Variants in SLC28A1 observed in about 807,000 individuals in gnomAD.
SLC28A1 encodes the protein solute carrier family 28 member 1, also known as sodium/nucleoside cotransporter 1.
SLC28A1 carries 64 observed loss-of-function variants against 74.8 expected under a neutral mutation model. The observed-to-expected ratio is 0.86, with a 90% CI of 0.70 to 1.05. The LOEUF is 1.05. Ranked by LOEUF, SLC28A1 falls within the 50% of genes least tolerant of loss-of-function variation. The pLI is 0.00. For synonymous variants in SLC28A1, 359 were observed against 335.0 expected (o/e 1.07, Z -0.78); for missense variants, 828 against 822.8 (o/e 1.01, Z -0.08).
At chr15:84,944,435 GACA>G (rs1973074235) in intron 16 of SLC28A1, 128 bp from the exon 17 acceptor site, 8 of 727,292 alleles carry the variant, frequency 1.1e-5, no homozygotes, top group South Asian at 7.5e-5. Flanking sequence ...CTGTCAGGAG[GACA>G]ACATCTGTCC....
chr15:84,932,118 T>C (rs1234291998), intron 12 of SLC28A1, among the ~76,000 whole-genome samples: 1 of 152,214 alleles, frequency 6.6e-6, no homozygotes, highest in African/African-American at 2.4e-5. Context: ...ATTTTGGAGT[T>C]TGTTTCCCCA....
chr15:84,898,579 C>CAAAA (rs34936074), intron 6 of SLC28A1, among the ~76,000 whole-genome samples: 4 of 138,182 alleles, frequency 2.9e-5, no homozygotes, highest in Admixed American at 7.4e-5. Context: ...ACTCCATCAC[C>CAAAA]AAAAAAAAAA....
At chr15:84,958,628 A>G in the SLC28A1 span, among the ~76,000 whole-genome samples, 1 of 152,082 alleles carries the variant, frequency 6.6e-6, no homozygotes, top group African/African-American at 2.4e-5. Flanking sequence ...ACCGTAGCTT[A>G]CTGAAGCTTT....
In SLC28A1 at chr15:84,905,483, C is replaced by T. The variant is rs896341886; in HGVS notation, c.604-56C>T. On this transcript the variant is annotated intron_variant, in intron 7 of 18. Transcript: ENST00000394573. ...GCCCCCTGCTCTCACCCCCACCCGG[C>T]TCCCTGCCCATCCCTCAAGGAACTG... 32 of 1,252,644 alleles carry T rather than the reference C, an allele frequency of 2.6e-5. No homozygotes were observed. In the South Asian group the frequency reaches 3.8e-4, roughly 15 times the overall value. 77.6% of individuals were successfully genotyped at this position (1,252,644 alleles called of 1,614,324 possible).
At chr15:84,934,834 C>G (rs1478706661) in intron 13 of SLC28A1, among the ~76,000 whole-genome samples, 192 bp from the exon 14 acceptor site, 1 of 152,178 alleles carries the variant, frequency 6.6e-6, no homozygotes, top group Non-Finnish European at 1.5e-5. Context: ...CCATCTTGGA[C>G]AGTTCAGCGT....
At chr15:84,899,526 G>A (rs576924858) in intron 6 of SLC28A1, among the ~76,000 whole-genome samples, 93 of 152,256 alleles carry the variant, frequency 6.1e-4, no homozygotes, top group African/African-American at 2.0e-3. Context: ...GAAAAAAGAC[G>A]TGCAGAGGAG....
At chr15:84,888,528 G>T (rs550726731) in intron 3 of SLC28A1, among the ~76,000 whole-genome samples, 8 of 152,188 alleles carry the variant, frequency 5.3e-5, no homozygotes, top group Non-Finnish European at 1.2e-4. Context: ...CTGGGCCGCA[G>T]GTGTCTGTCC....
At chr15:84,963,802 A>T in the SLC28A1 span, among the ~76,000 whole-genome samples, 8 of 152,102 alleles carry the variant, frequency 5.3e-5, no homozygotes, top group Non-Finnish European at 1.5e-5. Context: ...GCTCATGAGG[A>T]TGCTTAGATC....
intron 5 of SLC28A1, among the ~76,000 whole-genome samples, chr15:84,894,363 C>A (rs1406286330): frequency 3.2e-5 from 4 of 123,264 alleles, no homozygotes; most frequent in Admixed American, 8.1e-5. Flanking sequence ...CAAAGTGAGA[C>A]CCTATCTCCA....
At chr15:84,969,164 G>C in the SLC28A1 span, among the ~76,000 whole-genome samples, 274 of 152,350 alleles carry the variant, frequency 1.8e-3, 3 homozygotes, top group Admixed American at 0.017. Flanking sequence ...CGGAAGGACA[G>C]AATCCTTCTC....
At chr15:84,958,993 G>C in the SLC28A1 span, among the ~76,000 whole-genome samples, 1 of 151,250 alleles carries the variant, frequency 6.6e-6, no homozygotes, top group Non-Finnish European at 1.5e-5. Flanking sequence ...CTAGCTACTC[G>C]GGAGGCTGAG....
downstream of SLC28A1, among the ~76,000 whole-genome samples, chr15:84,949,628 C>T (rs1304683047): frequency 7.3e-6 from 1 of 137,462 alleles, no homozygotes; most frequent in Admixed American, 7.8e-5. Flanking sequence ...CCAGGCTGGT[C>T]GTGAACTCCT....
In SLC28A1 at chr15:84,905,581, G is replaced by A. The variant is rs762184411; in HGVS notation, c.646G>A (p.Val216Ile). The change falls in exon 8 of 19, where the codon GTA (valine) becomes ATA (isoleucine). Residue 216 changes from valine to isoleucine, a missense_variant. Val to Ile is a conservative substitution (Grantham distance 29). Around this residue, in one of 3 missense-constraint regions of SLC28A1, gnomAD observed 767 missense variants for 753.5 expected, o/e 1.02. Transcript: ENST00000394573. The part of the protein sequence containing the change: ...AVSWGLGLQF[V>I]LGLLVIRTEP... ...GTCTTGGGGACTTGGACTGCAGTTT[G>A]TACTTGGACTCCTCGTCATCAGAAC... 6.2e-6 allele frequency: 10 copies of A among 1,614,062 alleles called. No individual in the cohort carries two copies. Among genetic ancestry groups the A allele is most frequent in the Non-Finnish European group, 5.9e-6 (7 of 1,180,008 alleles).
chr15:84,960,322 C>T, the SLC28A1 span, among the ~76,000 whole-genome samples: 2 of 143,534 alleles, frequency 1.4e-5, no homozygotes, highest in African/African-American at 5.3e-5. Context: ...GTGGCGCAAT[C>T]TCAGCTCACT....
At chr15:84,931,576 T>C (rs12910911) in intron 12 of SLC28A1, among the ~76,000 whole-genome samples, 61,859 of 135,824 alleles carry the variant, frequency 0.46, 14,327 homozygotes, top group East Asian at 0.88. Flanking sequence ...GGTGTGAACC[T>C]GGGAGGTAGA....
chr15:84,965,913 A>G, the SLC28A1 span, among the ~76,000 whole-genome samples: 4 of 148,318 alleles, frequency 2.7e-5, no homozygotes, highest in African/African-American at 7.8e-5. Context: ...AGGGGGGGGA[A>G]ATATTAGGCT....
In SLC28A1 at chr15:84,895,809, A is replaced by T. The variant is rs988063037; in HGVS notation, c.461+686A>T. The stretch of plus-strand genomic sequence containing the variant: ...AAAAAAGTCTGAAGACCACCAGTCT[A>T]TTTCAATACTCTATTTTGTTGATGA... On this transcript the variant is annotated intron_variant, in intron 6 of 18. Transcript: ENST00000394573. 23 of 1,138,676 alleles carry T rather than the reference A, an allele frequency of 2.0e-5. No homozygotes were observed. In the South Asian group the frequency reaches 5.0e-4, roughly 25 times the overall value. 70.5% of individuals were successfully genotyped at this position (1,138,676 alleles called of 1,614,324 possible). A position where few individuals can be genotyped will look rare whatever the true frequency, so the allele number is the denominator to read the frequency against.
chr15:84,900,963 C>G (rs1380729484), intron 6 of SLC28A1, among the ~76,000 whole-genome samples: 3 of 152,168 alleles, frequency 2.0e-5, no homozygotes, highest in African/African-American at 7.2e-5. Context: ...GTGGCTCACG[C>G]CTGTAATCCC....
At chr15:84,917,526 A>G (rs1969282904) in intron 9 of SLC28A1, among the ~76,000 whole-genome samples, 1 of 151,396 alleles carries the variant, frequency 6.6e-6, no homozygotes, top group African/African-American at 2.5e-5. Flanking sequence ...CTCTTGCCTC[A>G]GCCTCCTGAG....
Sources: gnomAD v4.1 joint callset for allele counts (sites outside exome capture counted in the v4.1 genomes callset) on GRCh38, gnomAD v4.1.1 for gene constraint, gnomAD v4.1.1 regional missense constraint, MANE v1.5 for transcripts, NCBI Gene and HGNC (gene_info 2026-07-23, HGNC 2026-07-21) for gene names.